TEP1: variants seen among roughly 807,000 people sequenced by gnomAD.
TEP1 encodes the protein telomerase associated protein 1.
TEP1 carries 241 observed loss-of-function variants against 306.3 expected under a neutral mutation model. The observed-to-expected ratio is 0.79, with a 90% CI of 0.71 to 0.88. TEP1 has a LOEUF of 0.88. Among genes scored for constraint, TEP1 ranks in the 40% least tolerant of loss-of-function variants. The pLI is 0.00. For synonymous variants in TEP1, 1,289 were observed against 1,305.5 expected, an observed-to-expected ratio of 0.99 and a Z score of 0.27; for missense variants, 3,051 against 3,276.1, an observed-to-expected ratio of 0.93 and a Z score of 1.68.
chr14:20,391,544 G>T, intron 13 of TEP1, 55 bp downstream of exon 13: 1 of 1,560,570 alleles, frequency 6.4e-7, no homozygotes, highest in Non-Finnish European at 8.7e-7. Flanking sequence ...TACTGCTCAG[G>T]ATCCCCAGCA....
intron 12 of TEP1, 48 bp downstream of exon 12, chr14:20,395,401 AG>A (rs1450782764): frequency 6.6e-7 from 1 of 1,505,184 alleles, no homozygotes; most frequent in Admixed American, 2.0e-5. Flanking sequence ...AACCTGTGCC[AG>A]GGTAGCCCCG....
intron 28 of TEP1, 119 bp downstream of exon 28, chr14:20,382,504 G>T (rs1876665053): frequency 2.0e-6 from 3 of 1,525,436 alleles, no homozygotes; most frequent in African/African-American, 2.7e-5. Context: ...GAGGTATGAG[G>T]CGAGGATAGG....
At chr14:20,374,639 C>T in intron 43 of TEP1, 103 bp from the exon 44 acceptor site, 1 of 647,332 alleles carries the variant, frequency 1.5e-6, no homozygotes, top group Non-Finnish European at 2.6e-6. Context: ...TAATTAAGGG[C>T]CTGGGTTCTC....
At chr14:20,387,556 A>AAAAAAAAAAAG (rs1877306913) in intron 18 of TEP1, among the ~76,000 whole-genome samples, 1 of 151,632 alleles carries the variant, frequency 6.6e-6, no homozygotes, top group Non-Finnish European at 1.5e-5. Context: ...CGTCTCAAAA[A>AAAAAAAAAAAG]AAAAAAGAAA....
At position 20,374,443 on chromosome 14, in the gene TEP1, C is replaced by G; in HGVS notation, c.6457G>C (p.Ala2153Pro). ...QFLGHQSAVS[A>P]VAAVEEHVVS... The stretch of plus-strand genomic sequence containing the variant: ...TGCTTTCTCACCACAGCTGCCACAG[C>G]GCTCACAGCACTCTGATGACCCAGG... The change falls in exon 44 of 55, where the codon GCT becomes CCT. Residue 2153 changes from alanine to proline, a missense_variant. Ala to Pro is a conservative substitution (Grantham distance 27, BLOSUM62 -1). Transcript: ENST00000262715. The G allele has an allele frequency of 3.1e-6, 5 of 1,612,484 alleles. No individual in the cohort carries two copies. The highest frequency in any genetic ancestry group is 4.2e-6 in the Non-Finnish European group (5 of 1,179,584).
intron 17 of TEP1, 104 bp from the exon 18 acceptor site, chr14:20,388,167 CCAG>C: frequency 7.8e-7 from 1 of 1,282,512 alleles, no homozygotes. Flanking sequence ...GGTTTGGTGA[CCAG>C]TTAAGTCAAG....
At position 20,407,961 on chromosome 14, in the gene TEP1, T is replaced by C. The variant is rs1390072497; in HGVS notation, c.479A>G (p.Gln160Arg). The C allele has an allele frequency of 6.2e-7, 1 of 1,614,220 alleles. No individual in the cohort carries two copies. The highest frequency in any genetic ancestry group is 1.3e-5 in the African/African-American group (1 of 75,062). Residue 160 changes from glutamine to arginine, a missense_variant, in exon 2 of 55, where the codon CAG becomes CGG. By Grantham distance (43) the Gln-to-Arg change is conservative. Coordinates refer to ENST00000262715, the MANE Select transcript of TEP1 (RefSeq NM_007110.5). ...LLSEPPSWRA[Q>R]HFSKGLDLST... ...AAGGTCTAGTCCCTTAGAGAAATGC[T>C]GAGCCCTCCAACTTGGAGGCTCAGA...
chr14:20,369,504 C>A lies in TEP1; in HGVS notation c.7496G>T (p.Trp2499Leu), dbSNP rs373332426. ...NLAKCSPEGE[W>L]TTGNMWQKKA... ...TTTCTGCCACATGTTACCTGTGGTC[C>A]ATTCTCCTTCTGGGCTGCATTTGGC... Residue 2499 changes from tryptophan to leucine, a missense_variant, in exon 53 of 55, where the codon TGG becomes TTG. Transcript: ENST00000262715. 2.5e-6 allele frequency: 4 copies of A among 1,614,028 alleles called. No individual in the cohort carries two copies. The highest frequency in any genetic ancestry group is 2.5e-6 in the Non-Finnish European group (3 of 1,180,036).
In TEP1 at chr14:20,381,102, G is replaced by C; in HGVS notation, c.4648-57C>G. 6.9e-7 allele frequency: 1 copy of C among 1,440,570 alleles called. No homozygotes were observed. 89.2% of individuals were successfully genotyped at this position (1,440,570 alleles called of 1,614,324 possible). On this transcript the variant is annotated intron_variant, in intron 32 of 54. Coordinates refer to ENST00000262715, the MANE Select transcript of TEP1 (RefSeq NM_007110.5). This position sits in a 1 kb window ranked among gnomAD's most constrained non-coding sequence, Gnocchi z 4.0. ...ATGAAGGGGCTGGTGAGAAGGGACA[G>C]TTTAGTCTCAGAACCTGGATACAGA...
chr14:20,403,745 G>A lies in TEP1; in HGVS notation c.1172C>T (p.Pro391Leu), dbSNP rs749570245. The change falls in exon 6 of 55, where the codon CCC becomes CTC. Residue 391 changes from proline to leucine, a missense_variant. Physicochemically the swap from Pro to Leu is moderately conservative, Grantham distance 98 (BLOSUM62 -3). Transcript: ENST00000262715. ...NPRKHRAKRHPRRPPRSPGME... is the reference protein window; with the variant it reads ...NPRKHRAKRHLRRPPRSPGME... Reference sequence around the variant, plus strand: ...GACTGGAGAGCGGGGTGGCCGGCGGGGGTGTCTCTTGGCCCGGTGCTTCCG... The same window carrying A: ...GACTGGAGAGCGGGGTGGCCGGCGGAGGTGTCTCTTGGCCCGGTGCTTCCG... The A allele has an allele frequency of 2.2e-5, 36 of 1,613,848 alleles. No individual in the cohort carries two copies. The highest frequency in any genetic ancestry group is 2.9e-5 in the Non-Finnish European group (34 of 1,180,044).
intron 18 of TEP1, among the ~76,000 whole-genome samples, chr14:20,387,244 G>C (rs1346883872): frequency 6.8e-6 from 1 of 146,080 alleles, no homozygotes; most frequent in East Asian, 2.1e-4. Context: ...AGAAACTATA[G>C]CTTTAAGAAA....
At position 20,386,130 on chromosome 14, in the gene TEP1, C is replaced by A. The variant is rs370051094; in HGVS notation, c.2927G>T (p.Arg976Leu). 4.3e-6 allele frequency: 7 copies of A among 1,613,408 alleles called. No individual in the cohort carries two copies. The highest frequency in any genetic ancestry group is 5.9e-6 in the Non-Finnish European group (7 of 1,179,750). Residue 976 changes from arginine (R) to leucine (L), a missense_variant, in exon 20 of 55, where the codon CGT becomes CTT. Around this residue, in one of 3 missense-constraint regions of TEP1, gnomAD observed 1,507 missense variants for 1,550.5 expected, o/e 0.97. Transcript: ENST00000262715. ...GTAGCTGGGGGGAATGTATCCATAA[C>A]GGGAGCCCAGAATCCCCACAAACAG... ...AQLFVGILGS[R>L]YGYIPPSYNL...
At position 20,369,765 on chromosome 14, in the gene TEP1, T is replaced by C; in HGVS notation, c.7332A>G (p.Ser2444=). The C allele has an allele frequency of 2.5e-6, 4 of 1,613,992 alleles. No individual in the cohort carries two copies. Among genetic ancestry groups the C allele is most frequent in the Non-Finnish European group, 1.7e-6 (2 of 1,179,902 alleles). Residue 2444 remains serine (S), a synonymous_variant, in exon 52 of 55, where the codon TCA becomes TCG. Transcript: ENST00000262715. ...GVLSFLRQKE[S]GEFEERLNFD... ...AGTTCAGCCTCTCTTCAAACTCTCCTGATTCCTTTTGCCTCTGTGAAAGAA... is the reference window on the plus strand; with the variant it reads ...AGTTCAGCCTCTCTTCAAACTCTCCCGATTCCTTTTGCCTCTGTGAAAGAA...
In TEP1 at chr14:20,407,929, AG is replaced by A; in HGVS notation, c.510del (p.Cys171AlafsTer3). The A allele has an allele frequency of 6.2e-7, 1 of 1,613,578 alleles. No individual in the cohort carries two copies. Among genetic ancestry groups the A allele is most frequent in the South Asian group, 1.1e-5 (1 of 91,024 alleles). ...GAGATGGATTTCAGGGCTATAGGGC[AG>A]GTTGAAAGGTCTAGTCCCTTAGAGA... ...QHFSKGLDLS[T>X]CPIALKSISA... is the part of the protein sequence containing the mutation. On this transcript the variant is annotated frameshift_variant, in exon 2 of 55. Transcript: ENST00000262715. LOFTEE classifies it high-confidence loss of function.
Position 20,386,563 on chromosome 14 carries a change from G to A in TEP1, c.2745C>T (p.Asp915=). The stretch of plus-strand genomic sequence containing the variant: ...CTGGCAGCACAGACCTCAGCAGCAG[G>A]TCCCGCTCCCCATGCATGTCTCGGA... ...STFRDMHGER[D]LLLRSVLPAL... is the part of the protein sequence containing the mutation. Residue 915 remains aspartate, a synonymous_variant, in exon 19 of 55, where the codon GAC becomes GAT. Transcript: ENST00000262715. The A allele has an allele frequency of 2.5e-6, 4 of 1,612,196 alleles. No homozygotes were observed. The highest frequency in any genetic ancestry group is 3.4e-6 in the Non-Finnish European group (4 of 1,178,716).
intron 2 of TEP1, among the ~76,000 whole-genome samples, 154 bp from the exon 3 acceptor site, chr14:20,406,554 G>A (rs922214227): frequency 6.6e-6 from 1 of 152,192 alleles, no homozygotes; most frequent in Non-Finnish European, 1.5e-5. Flanking sequence ...GCACTGATGT[G>A]TCCTGTCTGA....
In TEP1 at chr14:20,381,509, C is replaced by T. The variant is rs1876525557; in HGVS notation, c.4558+44G>A. ...AGTGGGTGGTCCTGGCCTCCAGGCC[C>T]AAGCCCCACACTCAGTGCCCAGGCT... On this transcript the variant is annotated intron_variant, in intron 31 of 54. Coordinates refer to ENST00000262715, the MANE Select transcript of TEP1 (RefSeq NM_007110.5). The surrounding 1 kb of genome is among the most constrained non-coding windows in gnomAD (Gnocchi z 4.0). The T allele has an allele frequency of 1.9e-6, 3 of 1,612,738 alleles. No individual in the cohort carries two copies. The South Asian group carries it at 3.3e-5, about 18-fold the overall frequency.
At chr14:20,397,226 C>T (rs1385354024) in intron 9 of TEP1, among the ~76,000 whole-genome samples, 1 of 152,148 alleles carries the variant, frequency 6.6e-6, no homozygotes, top group Non-Finnish European at 1.5e-5. Context: ...AGAGAAATTT[C>T]GTAGTGTAAG....
intron 35 of TEP1, 134 bp downstream of exon 35, chr14:20,379,796 T>C: frequency 4.8e-6 from 6 of 1,243,444 alleles, no homozygotes; most frequent in Non-Finnish European, 6.5e-6. Context: ...GCCAAGCCCT[T>C]TGAGCTGATG....
Sources: allele counts gnomAD v4.1 joint callset (sites outside exome capture counted in the v4.1 genomes callset), GRCh38; gene constraint gnomAD v4.1.1; regional missense constraint gnomAD v4.1.1; non-coding constraint Gnocchi (gnomAD v3.1); transcripts MANE v1.5; gene names NCBI Gene and HGNC (gene_info 2026-07-23, HGNC 2026-07-21).